The following ATP8B3 variants were observed in gnomAD, a reference collection of about 807,000 sequenced individuals.
ATP8B3 encodes phospholipid-transporting ATPase IK.
A neutral mutation model predicts 140.9 loss-of-function variants in ATP8B3; 141 were observed. The observed-to-expected ratio is 1.00, with a 90% CI of 0.87 to 1.15. ATP8B3 has a LOEUF of 1.15. ATP8B3 is among the 50% of genes most tolerant of loss of function. The probability of loss-of-function intolerance (pLI) is 0.00; values close to 1 mark genes in which losing one functional copy is unlikely to be tolerated. For missense variants in ATP8B3, 1,874 were observed against 1,740.6 expected (o/e 1.08, Z -1.36); for synonymous variants, 765 against 714.6 (o/e 1.07, Z -1.13).
chr19:1,801,928 G>A (rs1364669698), intron 12 of ATP8B3, 28 bp downstream of exon 12: 1 of 1,558,030 alleles, frequency 6.4e-7, no homozygotes, highest in South Asian at 1.1e-5. Context: ...CTGTGTTCCT[G>A]GGGCAGGGGC....
chr19:1,811,527 C>T lies in ATP8B3; in HGVS notation c.210G>A (p.Gln70=). Reference sequence around the variant, plus strand: ...ATTCATACTTCCTAGCCCGGCCAGGCTGGGCCTTGTGCCTCCTCTCAGGTG... The same window carrying T: ...ATTCATACTTCCTAGCCCGGCCAGGTTGGGCCTTGTGCCTCCTCTCAGGTG... ...RGAPERRHKA[Q]PGRARKYEWR... The change falls in exon 2 of 29, where the codon CAG becomes CAA. Residue 70 remains glutamine (Q), a synonymous_variant. Coordinates refer to ENST00000310127, the MANE Select transcript of ATP8B3 (RefSeq NM_138813.4). 1 of 1,612,260 alleles carries T rather than the reference C, an allele frequency of 6.2e-7. No individual in the cohort carries two copies. The highest frequency in any genetic ancestry group is 8.5e-7 in the Non-Finnish European group (1 of 1,179,762).
intron 16 of ATP8B3, 36 bp downstream of exon 16, chr19:1,796,675 G>A: frequency 1.3e-6 from 2 of 1,594,856 alleles, no homozygotes; most frequent in African/African-American, 1.3e-5. Context: ...CCCGGGGGCT[G>A]AGCGGCCTCA....
At chr19:1,789,145 GC>G in intron 23 of ATP8B3, 25 bp from the exon 24 acceptor site, 2 of 1,531,622 alleles carry the variant, frequency 1.3e-6, no homozygotes, top group African/African-American at 1.4e-5. Flanking sequence ...CAGCTGGTCA[GC>G]CCCCCGCACG....
In ATP8B3 at chr19:1,783,179, C is replaced by G; in HGVS notation, c.3752G>C (p.Ser1251Thr). ...VHRESRARRSSYAFSHREGYA... is the reference protein window; with the variant it reads ...VHRESRARRSTYAFSHREGYA... ...TCCCTCACGGTGGGAGAAAGCATAGCTGGAACGGCGGGCACGAGACTCCCG... is the reference window on the plus strand; with the variant it reads ...TCCCTCACGGTGGGAGAAAGCATAGGTGGAACGGCGGGCACGAGACTCCCG... The change falls in exon 29 of 29, where the codon AGC becomes ACC. Residue 1251 changes from serine (S) to threonine (T), a missense_variant. Transcript: ENST00000310127. 1 of 1,613,606 alleles carries G rather than the reference C, an allele frequency of 6.2e-7. No individual in the cohort carries two copies. The highest frequency in any genetic ancestry group is 8.5e-7 in the Non-Finnish European group (1 of 1,179,790).
chr19:1,800,517 T>C lies in ATP8B3; in HGVS notation c.1153-68A>G. On this transcript the variant is annotated intron_variant, in intron 12 of 28. Coordinates refer to ENST00000310127, the MANE Select transcript of ATP8B3 (RefSeq NM_138813.4). This position sits in a 1 kb window ranked among gnomAD's most constrained non-coding sequence, Gnocchi z 4.4. ...CCCCCACTCTGCCATCAGGATGGGG[T>C]AAACACAAAGATAAGGCTGGGGCTG... is the stretch of plus-strand genomic sequence containing the variant. 1 of 1,408,262 alleles carries C rather than the reference T, an allele frequency of 7.1e-7. No homozygotes were observed. 87.2% of individuals were successfully genotyped at this position (1,408,262 alleles called of 1,614,324 possible).
intron 4 of ATP8B3, among the ~76,000 whole-genome samples, chr19:1,808,570 T>A (rs12151205): frequency 0.42 from 63,729 of 151,846 alleles, 14,795 homozygotes; most frequent in Non-Finnish European, 0.55. Context: ...GGCCAGCATT[T>A]ACTGAGCACC....
In ATP8B3 at chr19:1,795,880, A is replaced by G; in HGVS notation, c.2050T>C (p.Leu684=). Reference sequence around the variant, plus strand: ...GCCTTCCTGAAGGGACTCACAGCCAAGGCCTCCTCTGTGGCAAATTCCATT... The same window carrying G: ...GCCTTCCTGAAGGGACTCACAGCCAGGGCCTCCTCTGTGGCAAATTCCATT... ...GAMEFATEEA[L]AAFAQETLRT... The change falls in exon 18 of 29, where the codon TTG becomes CTG. Residue 684 remains leucine, a synonymous_variant. Transcript: ENST00000310127. 1 of 1,605,356 alleles carries G rather than the reference A, an allele frequency of 6.2e-7. No individual in the cohort carries two copies. The highest frequency in any genetic ancestry group is 8.5e-7 in the Non-Finnish European group (1 of 1,177,384).
intron 18 of ATP8B3, 91 bp downstream of exon 18, chr19:1,795,782 CCT>C: frequency 8.4e-7 from 1 of 1,190,532 alleles, no homozygotes; most frequent in Non-Finnish European, 1.2e-6. Context: ...TCCTCCTGTC[CCT>C]ACACACACAC....
In ATP8B3 at chr19:1,790,810, G is replaced by A. The variant is rs200737974; in HGVS notation, c.2325C>T (p.Phe775=). The change falls in exon 21 of 29, where the codon TTC becomes TTT. Residue 775 remains phenylalanine, a synonymous_variant. Transcript: ENST00000310127. The part of the protein sequence containing the change: ...DKQETAVNIG[F]ACELLSENML... ...TATTCTCTGACAGCAGCTCGCAGGC[G>A]AAGCCGATGTTCACAGCCGTTTCTG... 47 of 1,602,488 alleles carry A rather than the reference G, an allele frequency of 2.9e-5. 1 individual carries two copies. Among genetic ancestry groups the A allele is most frequent in the Middle Eastern group, 3.3e-4 (2 of 6,050 alleles).
rs2068859556 is a variant in ATP8B3, at chr19:1,802,050, A to G, written c.1064-6T>C. ...CATAATTTTTGTGTCAAAACCTACA[A>G]ACATGTATCCATCTATCCACCCACC... is the stretch of plus-strand genomic sequence containing the variant. On this transcript the variant is annotated splice_polypyrimidine_tract_variant and splice_region_variant and intron_variant, in intron 11 of 28. Transcript: ENST00000310127. 2 of 1,605,088 alleles carry G rather than the reference A, an allele frequency of 1.2e-6. No homozygotes were observed. Among genetic ancestry groups the G allele is most frequent in the Non-Finnish European group, 1.7e-6 (2 of 1,177,262 alleles).
At position 1,784,941 on chromosome 19, in the gene ATP8B3, C is replaced by T. The variant is rs766404738; in HGVS notation, c.3538G>A (p.Asp1180Asn). ...SPTTFPFLYA[D>N]LSVMSSPSIL... ...GAGGGAGAGGACATCACGCTGAGGT[C>T]GGCATCTGGGGACAGGGCGGGGTCA... The change falls in exon 28 of 29, where the codon GAC becomes AAC. Residue 1180 changes from aspartate (D) to asparagine (N), a missense_variant. Physicochemically the swap from Asp to Asn is conservative, Grantham distance 23 (BLOSUM62 1). Transcript: ENST00000310127. 5 of 1,609,380 alleles carry T rather than the reference C, an allele frequency of 3.1e-6. No homozygotes were observed. The highest frequency in any genetic ancestry group is 1.7e-5 in the Admixed American group (1 of 59,794).
intron 10 of ATP8B3, among the ~76,000 whole-genome samples, chr19:1,803,227 A>G (rs566706898): frequency 6.6e-6 from 1 of 152,248 alleles, no homozygotes; most frequent in East Asian, 1.9e-4. Flanking sequence ...CCGGGGCAGC[A>G]TTCAGTGAGG....
intron 11 of ATP8B3, 23 bp from the exon 12 acceptor site, chr19:1,802,067 C>CCACCCACCCACCCACCCATCCACCCCT: frequency 1.4e-6 from 2 of 1,465,004 alleles, no homozygotes; most frequent in Non-Finnish European, 9.2e-7. Context: ...ATCCATCTAT[C>CCACCCACCCACCCACCCATCCACCCCT]CACCCACCCA....
Position 1,783,134 on chromosome 19 carries a change from T to C in ATP8B3, c.3797A>G (p.Gln1266Arg). 6.2e-7 allele frequency: 1 copy of C among 1,613,660 alleles called. No homozygotes were observed. Residue 1266 changes from glutamine to arginine, a missense_variant, in exon 29 of 29, where the codon CAG becomes CGG. By Grantham distance (43) the Gln-to-Arg change is conservative. Coordinates refer to ENST00000310127, the MANE Select transcript of ATP8B3 (RefSeq NM_138813.4). Reference protein sequence around the residue: ...HREGYANLITQGTILRRGPGV... With the variant: ...HREGYANLITRGTILRRGPGV... Reference sequence around the variant, plus strand: ...TGGTCCCCTCCGCAGAATTGTGCCCTGAGTGATGAGGTTTGCATATCCCTC... The same window carrying C: ...TGGTCCCCTCCGCAGAATTGTGCCCCGAGTGATGAGGTTTGCATATCCCTC...
chr19:1,805,850 C>T lies in ATP8B3; in HGVS notation c.821+38G>A. The T allele has an allele frequency of 6.2e-7, 1 of 1,611,636 alleles. No individual in the cohort carries two copies. The highest frequency in any genetic ancestry group is 8.5e-7 in the Non-Finnish European group (1 of 1,179,014). ...GGGGGCTCCTCCGGGCCATGCTCCC[C>T]ACCCCCCAGGGTCCCCAGCGATGCC... On this transcript the variant is annotated intron_variant, in intron 9 of 28. Transcript: ENST00000310127. The surrounding 1 kb of genome is among the most constrained non-coding windows in gnomAD (Gnocchi z 5.2).
In ATP8B3 at chr19:1,783,161, C is replaced by T. The variant is rs78153786; in HGVS notation, c.3770G>A (p.Arg1257His). ...AGTGATGAGGTTTGCATATCCCTCA[C>T]GGTGGGAGAAAGCATAGCTGGAACG... Reference protein sequence around the residue: ...ARRSSYAFSHREGYANLITQG... With the variant: ...ARRSSYAFSHHEGYANLITQG... The change falls in exon 29 of 29, where the codon CGT becomes CAT. Residue 1257 changes from arginine (R) to histidine (H), a missense_variant. Transcript: ENST00000310127. 1.8e-3 allele frequency: 2,926 copies of T among 1,613,580 alleles called. 43 individuals are homozygous for T. The African/African-American group carries it at 0.032, about 18-fold the overall frequency.
chr19:1,785,150 G>T lies in ATP8B3; in HGVS notation c.3532+9C>A. The T allele has an allele frequency of 6.4e-7, 1 of 1,554,084 alleles. No homozygotes were observed. The stretch of plus-strand genomic sequence containing the variant: ...CGACCGCCCGTCCCACTTCCCCATG[G>T]GGGCTCACACAGAAACGGGAAGGTC... On this transcript the variant is annotated intron_variant, in intron 27 of 28. Transcript: ENST00000310127.
At chr19:1,795,665 C>G (rs1397548935) in intron 18 of ATP8B3, among the ~76,000 whole-genome samples, 5 of 151,826 alleles carry the variant, frequency 3.3e-5, no homozygotes, top group African/African-American at 4.8e-5. Flanking sequence ...TGTGTGTTGC[C>G]GGGGGAGGGT....
rs552995106 is a variant in ATP8B3 at position 1,801,205 on chromosome 19, G to A, written c.1152+751C>T. Among the ~76,000 whole-genome samples the A allele has an allele frequency of 2.8e-4, 43 of 151,870 alleles. 2 individuals are homozygous for A. In the South Asian group the frequency reaches 8.7e-3, roughly 31 times the overall value. Reference sequence around the variant, plus strand: ...CTTGCTCAGTTGTCCAGGCTGGAGTGCAGTGGTGCAATCTCAGCTCACTGC... The same window carrying A: ...CTTGCTCAGTTGTCCAGGCTGGAGTACAGTGGTGCAATCTCAGCTCACTGC... On this transcript the variant is annotated intron_variant, in intron 12 of 28. Coordinates refer to ENST00000310127, the MANE Select transcript of ATP8B3 (RefSeq NM_138813.4).
Sources: gnomAD v4.1 joint callset for allele counts (sites outside exome capture counted in the v4.1 genomes callset) on GRCh38, gnomAD v4.1.1 for gene constraint, Gnocchi (gnomAD v3.1) non-coding constraint, MANE v1.5 for transcripts, NCBI Gene and HGNC (gene_info 2026-07-23, HGNC 2026-07-21) for gene names.